The following ATP12A variants were observed in gnomAD, a reference collection of about 807,000 sequenced individuals.
ATP12A encodes the protein ATPase H+/K+ transporting non-gastric alpha2 subunit.
Under a neutral mutation model 111.2 loss-of-function variants are expected in ATP12A, and 81 were observed. The ratio of observed to expected loss-of-function variants is 0.73; its 90% CI spans 0.61 to 0.88. The LOEUF (loss-of-function observed/expected upper bound fraction) is 0.88, where lower values mean the gene tolerates loss of function less well. Ranked by LOEUF, ATP12A falls within the 40% of genes least tolerant of loss-of-function variation. The pLI, the probability that ATP12A is intolerant of heterozygous loss-of-function variation, is 0.00. For missense variants in ATP12A, 1,196 were observed against 1,313.1 expected, an observed-to-expected ratio of 0.91 and a Z score of 1.38; for synonymous variants, 498 against 499.8, an observed-to-expected ratio of 1.00 and a Z score of 0.05.
At chr13:24,708,930 A>G (rs971225553) in intron 17 of ATP12A, among the ~76,000 whole-genome samples, 48 of 140,568 alleles carry the variant, frequency 3.4e-4, no homozygotes, top group African/African-American at 1.3e-3. Context: ...AGAAAGAAAG[A>G]AAGAAAGAAA....
At position 24,694,650 on chromosome 13, in the gene ATP12A, C is replaced by T. The variant is rs549424404; in HGVS notation, c.1512+72C>T. Reference sequence around the variant, plus strand: ...CCTTTCTACTTGCATGCATCCTTTGCTTACCTCATATTTTGAAGGATACCT... The same window carrying T: ...CCTTTCTACTTGCATGCATCCTTTGTTTACCTCATATTTTGAAGGATACCT... On this transcript the variant is annotated intron_variant, in intron 11 of 22. Coordinates refer to ENST00000381946, the MANE Select transcript of ATP12A (RefSeq NM_001676.7). The T allele has an allele frequency of 8.8e-6, 14 of 1,598,206 alleles. No individual in the cohort carries two copies. In the East Asian group the frequency reaches 3.1e-4, roughly 36 times the overall value.
intron 10 of ATP12A, among the ~76,000 whole-genome samples, chr13:24,693,334 C>G (rs1874991308): frequency 6.6e-6 from 1 of 151,508 alleles, no homozygotes. Flanking sequence ...AAACTCTCCC[C>G]CTCCCTCCCT....
intron 3 of ATP12A, among the ~76,000 whole-genome samples, chr13:24,687,463 CA>C (rs11336249): frequency 0.35 from 52,259 of 148,772 alleles, 9,573 homozygotes; most frequent in East Asian, 0.54. Flanking sequence ...GACTCTGTCT[CA>C]AAAAAAAAAG....
intron 19 of ATP12A, among the ~76,000 whole-genome samples, chr13:24,710,152 C>T (rs1566078944): frequency 6.6e-6 from 1 of 152,336 alleles, no homozygotes; most frequent in East Asian, 1.9e-4. Context: ...TGCCTATAAT[C>T]CCAGCACTTT....
chr13:24,698,229 G>A (rs1169005731), intron 11 of ATP12A, among the ~76,000 whole-genome samples: 1 of 152,064 alleles, frequency 6.6e-6, no homozygotes, highest in African/African-American at 2.4e-5. Context: ...ATGAGGTGAG[G>A]AGGTGCAGAA....
chr13:24,688,187 C>A, intron 3 of ATP12A, 132 bp from the exon 4 acceptor site: 1 of 987,820 alleles, frequency 1.0e-6, no homozygotes, highest in Non-Finnish European at 1.5e-6. Flanking sequence ...GTCTGCTTTT[C>A]TCGGGACCTT....
chr13:24,702,098 A>G lies in ATP12A; in HGVS notation c.2018+27A>G, dbSNP rs190058287. Reference sequence around the variant, plus strand: ...TAAGCACAGGAGCAGCATAGTAAAAATTCCAGTTTATACCCATGGGGCCCC... The same window carrying G: ...TAAGCACAGGAGCAGCATAGTAAAAGTTCCAGTTTATACCCATGGGGCCCC... On this transcript the variant is annotated intron_variant, in intron 14 of 22. Coordinates refer to ENST00000381946, the MANE Select transcript of ATP12A (RefSeq NM_001676.7). 2.2e-5 allele frequency: 36 copies of G among 1,614,002 alleles called. No homozygotes were observed. The African/African-American group carries it at 4.7e-4, about 21-fold the overall frequency.
At chr13:24,706,603 T>A in intron 15 of ATP12A, 140 bp downstream of exon 15, 1 of 1,256,024 alleles carries the variant, frequency 8.0e-7, no homozygotes, top group Non-Finnish European at 1.1e-6. Context: ...TCACCTGACC[T>A]CTCCAACCTC....
intron 13 of ATP12A, 39 bp from the exon 14 acceptor site, chr13:24,701,896 C>G: frequency 6.2e-7 from 1 of 1,613,630 alleles, no homozygotes; most frequent in Non-Finnish European, 8.5e-7. Context: ...CAACCGAGTT[C>G]TTCATTACCC....
intron 20 of ATP12A, 56 bp from the exon 21 acceptor site, chr13:24,710,736 G>A: frequency 1.9e-6 from 3 of 1,602,066 alleles, no homozygotes; most frequent in South Asian, 1.1e-5. Context: ...TCTGCTGGGT[G>A]TATGATCATG....
Position 24,690,672 on chromosome 13 carries a change from C to G in ATP12A, c.750C>G (p.Asn250Lys). Residue 250 changes from asparagine (N) to lysine (K), a missense_variant, in exon 7 of 23, where the codon AAC (asparagine) becomes AAG (lysine). Physicochemically the swap from Asn to Lys is moderately conservative, Grantham distance 94. This residue lies in a region of ATP12A where 1,126 missense variants were observed against 1,228.5 expected (regional missense o/e 0.92). Coordinates refer to ENST00000381946, the MANE Select transcript of ATP12A (RefSeq NM_001676.7). ...GCTCCTCTGAGTTTACCCATGAAAA[C>G]CCCCTGGAAACAAAGAACATCTGCT... ...QPRSSEFTHE[N>K]PLETKNICFY... The G allele has an allele frequency of 1.2e-6, 2 of 1,613,974 alleles. No individual in the cohort carries two copies. Among genetic ancestry groups the G allele is most frequent in the Non-Finnish European group, 8.5e-7 (1 of 1,179,968 alleles).
chr13:24,697,033 T>C (rs1239408308), intron 11 of ATP12A, among the ~76,000 whole-genome samples: 2 of 152,226 alleles, frequency 1.3e-5, no homozygotes, highest in Non-Finnish European at 2.9e-5. Context: ...AAGATGAATG[T>C]ATTTAATTTA....
intron 4 of ATP12A, among the ~76,000 whole-genome samples, chr13:24,688,924 C>T (rs1173928233): frequency 6.6e-6 from 1 of 152,076 alleles, no homozygotes; most frequent in Non-Finnish European, 1.5e-5. Flanking sequence ...ATTGGATTGA[C>T]ATGAAATGTG....
intron 14 of ATP12A, among the ~76,000 whole-genome samples, chr13:24,702,324 C>G (rs1376655355): frequency 6.6e-6 from 1 of 152,230 alleles, no homozygotes; most frequent in African/African-American, 2.4e-5. Context: ...ATCCAGTGTG[C>G]CCTGGGCACA....
intron 11 of ATP12A, among the ~76,000 whole-genome samples, chr13:24,696,373 A>G (rs979410166): frequency 3.3e-5 from 5 of 152,062 alleles, no homozygotes; most frequent in Non-Finnish European, 5.9e-5. Context: ...CCTCATGTAC[A>G]AGTTGGAGGA....
chr13:24,693,707 T>C (rs1191413089), intron 10 of ATP12A, among the ~76,000 whole-genome samples: 1 of 152,270 alleles, frequency 6.6e-6, no homozygotes, highest in Non-Finnish European at 1.5e-5. Flanking sequence ...TAATTGTCTA[T>C]GATATAACCA....
chr13:24,690,624 G>T lies in ATP12A; in HGVS notation c.702G>T (p.Thr234=). 1 of 1,612,448 alleles carries T rather than the reference G, an allele frequency of 6.2e-7. No individual in the cohort carries two copies. Among genetic ancestry groups the T allele is most frequent in the Non-Finnish European group, 8.5e-7 (1 of 1,179,388 alleles). ...QGCRVDNSSL[T]GESEPQPRSS... Reference sequence around the variant, plus strand: ...TCTAGGTGGATAACTCATCTCTCACGGGGGAGTCTGAGCCCCAGCCCCGCT... The same window carrying T: ...TCTAGGTGGATAACTCATCTCTCACTGGGGAGTCTGAGCCCCAGCCCCGCT... Residue 234 remains threonine, a synonymous_variant, in exon 7 of 23, where the codon ACG becomes ACT. Coordinates refer to ENST00000381946, the MANE Select transcript of ATP12A (RefSeq NM_001676.7).
intron 21 of ATP12A, 82 bp from the exon 22 acceptor site, chr13:24,711,233 GAAC>G: frequency 1.6e-6 from 2 of 1,261,770 alleles, no homozygotes; most frequent in Non-Finnish European, 2.2e-6. Context: ...CAAGACAAAT[GAAC>G]GAGAAGCCCC....
intron 2 of ATP12A, among the ~76,000 whole-genome samples, chr13:24,683,911 A>G (rs950738420): frequency 6.6e-6 from 1 of 152,096 alleles, no homozygotes; most frequent in Non-Finnish European, 1.5e-5. Context: ...TTGCCTCCCA[A>G]CCTTTCTTGG....
Sources: allele counts gnomAD v4.1 joint callset (sites outside exome capture counted in the v4.1 genomes callset), GRCh38; gene constraint gnomAD v4.1.1; regional missense constraint gnomAD v4.1.1; transcripts MANE v1.5; gene names NCBI Gene and HGNC (gene_info 2026-07-23, HGNC 2026-07-21).